ZFHX3: variants seen among roughly 807,000 people sequenced by gnomAD.
ZFHX3 encodes the protein zinc finger homeobox 3, also known as zinc finger homeobox protein 3.
A neutral mutation model predicts 279.1 loss-of-function variants in ZFHX3; 42 were observed. That is an observed-to-expected ratio of 0.15 (90% CI 0.12 to 0.19). ZFHX3 has a LOEUF of 0.19. ZFHX3 is among the 10% of genes least tolerant of loss of function. ZFHX3 has a pLI of 1.00. For missense variants in ZFHX3, 4,981 were observed against 4,754.0 expected, an observed-to-expected ratio of 1.05 and a Z score of -1.40; for synonymous variants, 2,293 against 1,957.8, an observed-to-expected ratio of 1.17 and a Z score of -4.52.
chr16:72,988,445 G>C (rs1962937798), intron 1 of ZFHX3, among the ~76,000 whole-genome samples: 1 of 152,222 alleles, frequency 6.6e-6, no homozygotes. Context: ...TCGATATGCA[G>C]GCTGGAACCC....
At chr16:73,663,034 C>T (rs2052801603) in intron 2 of ZFHX3, among the ~76,000 whole-genome samples, 1 of 152,124 alleles carries the variant, frequency 6.6e-6, no homozygotes, top group Non-Finnish European at 1.5e-5. Context: ...TACTCCAAAA[C>T]TCAGCAGGGT....
intron 1 of ZFHX3, among the ~76,000 whole-genome samples, chr16:73,784,794 AAAATAT>A (rs1362811229): frequency 5.3e-5 from 6 of 114,230 alleles, no homozygotes; most frequent in African/African-American, 1.7e-4. Flanking sequence ...AATAAAAAAA[AAAATAT>A]ATATATATAT....
At chr16:73,650,067 G>T (rs2052656387) in intron 2 of ZFHX3, among the ~76,000 whole-genome samples, 2 of 152,206 alleles carry the variant, frequency 1.3e-5, no homozygotes, top group South Asian at 4.1e-4. Flanking sequence ...TGAAGACCAT[G>T]GTTCCCAAAA....
intron 2 of ZFHX3, among the ~76,000 whole-genome samples, chr16:73,675,152 T>C (rs571480770): frequency 6.6e-6 from 1 of 152,208 alleles, no homozygotes; most frequent in South Asian, 2.1e-4. Flanking sequence ...ACTAGTTATA[T>C]GTTAAGAGGG....
chr16:73,732,807 G>C (rs1416574774), intron 1 of ZFHX3, among the ~76,000 whole-genome samples: 22 of 152,212 alleles, frequency 1.4e-4, no homozygotes, highest in Admixed American at 1.4e-3. Context: ...GCTAGCTCCA[G>C]TGGTCTATGG....
exon 6 of ZFHX3, chr16:73,143,784 A>T: frequency 7.7e-7 from 1 of 1,305,754 alleles, no homozygotes; most frequent in African/African-American, 1.5e-5. Context: ...GACACCATCC[A>T]ATAGCGCTAG....
chr16:73,247,952 T>C (rs1894432071), intron 5 of ZFHX3, among the ~76,000 whole-genome samples: 1 of 151,914 alleles, frequency 6.6e-6, no homozygotes, highest in South Asian at 2.1e-4. Context: ...GTATACTATG[T>C]ATATAATGTG....
intron 1 of ZFHX3, among the ~76,000 whole-genome samples, chr16:72,969,791 T>C (rs1962018429): frequency 6.6e-6 from 1 of 152,202 alleles, no homozygotes; most frequent in Non-Finnish European, 1.5e-5. Flanking sequence ...TAACAGTGTT[T>C]GTCTACTGCT....
At chr16:73,050,401 C>T (rs918511682), upstream of ZFHX3, among the ~76,000 whole-genome samples, 28 of 152,312 alleles carry the variant, frequency 1.8e-4, no homozygotes, top group Non-Finnish European at 2.9e-4. Flanking sequence ...ACCAGCTACA[C>T]ACATGATGAG....
chr16:73,169,970 G>T (rs945037491), intron 5 of ZFHX3, among the ~76,000 whole-genome samples: 1 of 152,034 alleles, frequency 6.6e-6, no homozygotes, highest in Admixed American at 6.5e-5. Context: ...CATATTTATT[G>T]TGTGATTATC....
chr16:73,757,340 T>C (rs1458380220), intron 1 of ZFHX3, among the ~76,000 whole-genome samples: 1 of 152,146 alleles, frequency 6.6e-6, no homozygotes, highest in East Asian at 1.9e-4. Flanking sequence ...CCACTACCCA[T>C]TAGGAATAAG....
intron 2 of ZFHX3, among the ~76,000 whole-genome samples, chr16:73,566,846 A>G (rs1003834235): frequency 1.3e-5 from 2 of 151,996 alleles, no homozygotes; most frequent in African/African-American, 2.4e-5. Context: ...TTACAGGCAC[A>G]TGCCACCACA....
At chr16:73,630,337 C>T (rs905082713) in intron 2 of ZFHX3, among the ~76,000 whole-genome samples, 3 of 152,226 alleles carry the variant, frequency 2.0e-5, no homozygotes, top group African/African-American at 7.2e-5. Flanking sequence ...TCAGAAGGAA[C>T]AAGTTTTATC....
At chr16:73,087,522 T>C (rs978523686) in intron 8 of ZFHX3, among the ~76,000 whole-genome samples, 5 of 152,196 alleles carry the variant, frequency 3.3e-5, no homozygotes, top group Non-Finnish European at 7.4e-5. Flanking sequence ...CAGTTTTAGA[T>C]ATCACAGGGA....
chr16:73,840,365 T>G (rs1346787176), intron 1 of ZFHX3, among the ~76,000 whole-genome samples: 1 of 152,096 alleles, frequency 6.6e-6, no homozygotes, highest in African/African-American at 2.4e-5. Context: ...GACCACCCCT[T>G]TAATGGTTCA....
At chr16:73,372,173 C>T (rs2016642897) in intron 3 of ZFHX3, among the ~76,000 whole-genome samples, 1 of 152,200 alleles carries the variant, frequency 6.6e-6, no homozygotes, top group South Asian at 2.1e-4. Context: ...CCTGTCTACT[C>T]TCATGGCTGA....
intron 4 of ZFHX3, among the ~76,000 whole-genome samples, chr16:73,290,034 CACACACACACACACACAT>C (rs1450203955): frequency 2.7e-5 from 4 of 146,028 alleles, no homozygotes; most frequent in Non-Finnish European, 6.2e-5. Flanking sequence ...CACACACACA[CACACACACACACACACAT>C]ATAGACATTT....
At chr16:73,472,795 A>T (rs997826996) in intron 2 of ZFHX3, among the ~76,000 whole-genome samples, 3 of 152,148 alleles carry the variant, frequency 2.0e-5, no homozygotes, top group African/African-American at 7.2e-5. Flanking sequence ...CCCTGTGGTC[A>T]CAGCTCCTGG....
At position 73,539,323 on chromosome 16, in the gene ZFHX3, G is replaced by A. The variant is rs191682344; in HGVS notation, c.-1546-83065C>T. 8.6e-4 allele frequency among the ~76,000 whole-genome samples: 129 copies of A among 150,276 alleles called. 1 individual carries two copies. Among genetic ancestry groups the A allele is most frequent in the African/African-American group, 2.7e-3 (112 of 40,906 alleles). ...TGTTATCAGGTGAAACTGATTTTAC[G>A]CGCCCACCCGCCTCTCCTGCAAGCC... is the stretch of plus-strand genomic sequence containing the variant. On this transcript the variant is annotated intron_variant, in intron 2 of 17. Coordinates refer to the ZFHX3 transcript ENST00000641206.
Sources: allele counts gnomAD v4.1 joint callset (sites outside exome capture counted in the v4.1 genomes callset), GRCh38; gene constraint gnomAD v4.1.1; transcripts MANE v1.5; gene names NCBI Gene and HGNC (gene_info 2026-07-23, HGNC 2026-07-21).